SLC17A5: variants seen among roughly 807,000 people sequenced by gnomAD.
SLC17A5 encodes the protein sialin.
Under a neutral mutation model 59.4 loss-of-function variants are expected in SLC17A5, and 47 were observed. That is an observed-to-expected ratio of 0.79 (90% CI 0.63 to 1.01). The LOEUF (loss-of-function observed/expected upper bound fraction) is 1.01. Among genes scored for constraint, SLC17A5 ranks in the 50% least tolerant of loss-of-function variants. The pLI is 0.00. For missense variants in SLC17A5, 522 were observed against 595.5 expected, an observed-to-expected ratio of 0.88 and a Z score of 1.28; for synonymous variants, 202 against 210.7, an observed-to-expected ratio of 0.96 and a Z score of 0.36.
chr6:73,634,620 G>A (rs996606680), intron 6 of SLC17A5, among the ~76,000 whole-genome samples: 3 of 152,028 alleles, frequency 2.0e-5, no homozygotes, highest in East Asian at 1.9e-4. Context: ...GGCTGATCTC[G>A]AACTCCTGAC....
In SLC17A5 at chr6:73,597,725, G is replaced by A. The variant is rs139874930; in HGVS notation, c.1351-2511C>T. 3.5e-3 allele frequency among the ~76,000 whole-genome samples: 527 copies of A among 152,102 alleles called. 8 individuals are homozygous for A. The highest frequency in any genetic ancestry group is 0.032 in the East Asian group (165 of 5,156). On this transcript the variant is annotated intron_variant, in intron 10 of 10. Coordinates refer to ENST00000355773, the MANE Select transcript of SLC17A5 (RefSeq NM_012434.5). ...ACCTGAGCCTGGGGAGGTTGAGGCT[G>A]CAGTGAGCCATGATTGCGCCACTGC...
At chr6:73,598,612 C>T (rs1353845428) in intron 10 of SLC17A5, among the ~76,000 whole-genome samples, 5 of 151,864 alleles carry the variant, frequency 3.3e-5, no homozygotes, top group African/African-American at 9.7e-5. Context: ...ACCTGGGGGA[C>T]GAGTGAGACT....
At chr6:73,602,472 A>AAC (rs1208836821) in intron 9 of SLC17A5, among the ~76,000 whole-genome samples, 10 of 140,068 alleles carry the variant, frequency 7.1e-5, no homozygotes, top group East Asian at 6.0e-4. Context: ...ACAACAACAA[A>AAC]AAACATTAAC....
At chr6:73,651,188 C>T (rs1416320387) in intron 1 of SLC17A5, among the ~76,000 whole-genome samples, 1 of 152,118 alleles carries the variant, frequency 6.6e-6, no homozygotes, top group Non-Finnish European at 1.5e-5. Context: ...AGGCCCGGCC[C>T]GGTGGCTCAG....
chr6:73,632,699 C>T (rs1768804234), intron 6 of SLC17A5, among the ~76,000 whole-genome samples: 1 of 151,478 alleles, frequency 6.6e-6, no homozygotes, highest in South Asian at 2.1e-4. Flanking sequence ...ATCTTGGCCT[C>T]CCTAAGTGTT....
chr6:73,618,460 C>A, intron 7 of SLC17A5: 1 of 443,832 alleles, frequency 2.3e-6, no homozygotes, highest in Admixed American at 3.0e-5. Flanking sequence ...GTGCCCAGGA[C>A]GCTATAAAAT....
intron 6 of SLC17A5, among the ~76,000 whole-genome samples, chr6:73,627,099 A>T (rs1768456218): frequency 1.5e-5 from 2 of 135,906 alleles, no homozygotes. Context: ...TTTTCTTGAG[A>T]CGGAGTCTCG....
At position 73,603,015 on chromosome 6, in the gene SLC17A5, C is replaced by G. The variant is rs928125967; in HGVS notation, c.1260-2574G>C. ...AAGTAAAATTACCTATAATTCTTCC[C>G]CATAGAGATGATCAACATTAACATT... On this transcript the variant is annotated intron_variant, in intron 9 of 10. Transcript: ENST00000355773. 2.0e-5 allele frequency among the ~76,000 whole-genome samples: 3 copies of G among 151,944 alleles called. No individual in the cohort carries two copies. The South Asian group carries it at 6.2e-4, about 32-fold the overall frequency.
At chr6:73,643,080 G>A (rs1273725059) in intron 2 of SLC17A5, among the ~76,000 whole-genome samples, 6 of 152,086 alleles carry the variant, frequency 3.9e-5, no homozygotes, top group Admixed American at 3.9e-4. Flanking sequence ...GTGAATGATA[G>A]AGGAGATTCA....
At chr6:73,615,264 A>G (rs1400873964) in intron 8 of SLC17A5, 51 bp downstream of exon 8, 9 of 1,601,682 alleles carry the variant, frequency 5.6e-6, no homozygotes, top group Non-Finnish European at 7.7e-6. Flanking sequence ...CTATAACTGT[A>G]AACATGGTAA....
At chr6:73,595,445 T>C (rs1157068851) in intron 10 of SLC17A5, among the ~76,000 whole-genome samples, 1 of 152,046 alleles carries the variant, frequency 6.6e-6, no homozygotes, top group Non-Finnish European at 1.5e-5. Context: ...ACAAACAAAA[T>C]ATGAAGCAAA....
At position 73,653,558 on chromosome 6, in the gene SLC17A5, G is replaced by C. The variant is rs868197971; in HGVS notation, c.94+235C>G. The C allele has an allele frequency of 6.7e-5, 56 of 841,876 alleles. No individual in the cohort carries two copies. In the African/African-American group the frequency reaches 8.0e-4, roughly 12 times the overall value. The allele number at this position is 841,876 out of a possible 1,614,324, so 52.2% of individuals were successfully genotyped here. On this transcript the variant is annotated intron_variant, in intron 1 of 10. Transcript: ENST00000355773. ...GTGGGGCTGCACCTGCCGAGGCCCC[G>C]GCTCGGCTCCGCGATCACGGTCGCG...
chr6:73,621,785 G>A lies in SLC17A5; in HGVS notation c.978+19C>T, dbSNP rs1191069681. 2 of 1,569,184 alleles carry A rather than the reference G, an allele frequency of 1.3e-6. No homozygotes were observed. Among genetic ancestry groups the A allele is most frequent in the African/African-American group, 1.4e-5 (1 of 73,950 alleles). The stretch of plus-strand genomic sequence containing the variant: ...TCTTATACTATATATATAAGAAGCA[G>A]ATGATTATTTTTTCTTACCTCTTGA... On this transcript the variant is annotated intron_variant, in intron 7 of 10. Coordinates refer to ENST00000355773, the MANE Select transcript of SLC17A5 (RefSeq NM_012434.5).
At chr6:73,617,547 A>G (rs1767928564) in intron 7 of SLC17A5, among the ~76,000 whole-genome samples, 1 of 152,168 alleles carries the variant, frequency 6.6e-6, no homozygotes, top group South Asian at 2.1e-4. Context: ...TCAAGTTGCA[A>G]TGCTAAAAAC....
intron 10 of SLC17A5, among the ~76,000 whole-genome samples, chr6:73,597,717 T>C (rs1171516958): frequency 6.7e-6 from 1 of 150,300 alleles, no homozygotes; most frequent in East Asian, 2.0e-4. Flanking sequence ...CCTGGGGAGG[T>C]TGAGGCTGCA....
chr6:73,641,216 A>G (rs1044620115), intron 3 of SLC17A5, among the ~76,000 whole-genome samples: 16 of 152,148 alleles, frequency 1.1e-4, no homozygotes, highest in Non-Finnish European at 1.5e-4. Flanking sequence ...AGTAGCTGCA[A>G]TTACAGGTGT....
intron 7 of SLC17A5, chr6:73,618,259 A>AAAATG (rs1767966961): frequency 1.0e-5 from 1 of 98,426 alleles, no homozygotes; most frequent in Admixed American, 1.0e-4. Context: ...AAAATAAAAT[A>AAAATG]AAATAAAATA....
At chr6:73,611,323 A>T (rs573998156) in intron 8 of SLC17A5, among the ~76,000 whole-genome samples, 2 of 152,116 alleles carry the variant, frequency 1.3e-5, no homozygotes, top group Non-Finnish European at 2.9e-5. Context: ...TCTGTCACCC[A>T]GGCTGGAGTG....
chr6:73,631,831 CTT>C (rs1169069644), intron 6 of SLC17A5, among the ~76,000 whole-genome samples: 1 of 151,494 alleles, frequency 6.6e-6, no homozygotes, highest in East Asian at 1.9e-4. Flanking sequence ...TTTTTTTCCT[CTT>C]ATTCATTTTT....
Sources: gnomAD v4.1 joint callset for allele counts (sites outside exome capture counted in the v4.1 genomes callset) on GRCh38, gnomAD v4.1.1 for gene constraint, MANE v1.5 for transcripts, NCBI Gene and HGNC (gene_info 2026-07-23, HGNC 2026-07-21) for gene names.